DDX10: variants seen among roughly 807,000 people sequenced by gnomAD.
DDX10 encodes probable ATP-dependent RNA helicase DDX10.
A neutral mutation model predicts 104.3 loss-of-function variants in DDX10; 74 were observed. That is an observed-to-expected ratio of 0.71 (90% CI 0.59 to 0.86). DDX10 has a LOEUF of 0.86. DDX10 is among the 40% of genes least tolerant of loss of function. DDX10 has a pLI of 0.00. For missense variants in DDX10, 952 were observed against 1,040.0 expected (o/e 0.92, Z 1.16); for synonymous variants, 351 against 353.4 (o/e 0.99, Z 0.08).
chr11:108,683,828 T>C (rs2094238878), intron 6 of DDX10, among the ~76,000 whole-genome samples: 1 of 152,198 alleles, frequency 6.6e-6, no homozygotes. Flanking sequence ...GTAACACCAA[T>C]GAGTTGGTTC....
At chr11:108,762,297 T>C (rs2094351727) in intron 13 of DDX10, among the ~76,000 whole-genome samples, 1 of 152,188 alleles carries the variant, frequency 6.6e-6, no homozygotes, top group Admixed American at 6.6e-5. Flanking sequence ...CAGTTATTCC[T>C]CTTGGAGTTA....
intron 6 of DDX10, 60 bp downstream of exon 6, chr11:108,679,620 G>T: frequency 7.9e-7 from 1 of 1,268,088 alleles, no homozygotes; most frequent in Non-Finnish European, 1.1e-6. Context: ...TTAGGGATTT[G>T]GTATTTTAAA....
chr11:108,870,077 G>A (rs962575520), intron 16 of DDX10, among the ~76,000 whole-genome samples: 2 of 152,060 alleles, frequency 1.3e-5, no homozygotes, highest in African/African-American at 2.4e-5. Flanking sequence ...AGAAATCTGC[G>A]TAAGGGGTAT....
intron 13 of DDX10, among the ~76,000 whole-genome samples, chr11:108,820,066 C>T (rs1463040779): frequency 6.6e-6 from 1 of 152,172 alleles, no homozygotes; most frequent in East Asian, 1.9e-4. Context: ...GTTTGATAAA[C>T]CTGAGTTTAG....
At chr11:108,929,943 A>G (rs956471786) in intron 17 of DDX10, among the ~76,000 whole-genome samples, 5 of 152,170 alleles carry the variant, frequency 3.3e-5, no homozygotes, top group Non-Finnish European at 7.3e-5. Context: ...AATTTCCCCT[A>G]TTAGTAACAT....
At chr11:108,705,598 A>G (rs1178159796) in intron 9 of DDX10, among the ~76,000 whole-genome samples, 1 of 152,118 alleles carries the variant, frequency 6.6e-6, no homozygotes. Flanking sequence ...AGGGATTTTC[A>G]TCTTCTGTTT....
chr11:108,733,963 C>T (rs1373387364), intron 13 of DDX10, among the ~76,000 whole-genome samples: 1 of 152,104 alleles, frequency 6.6e-6, no homozygotes, highest in Non-Finnish European at 1.5e-5. Flanking sequence ...GTGAAGGATT[C>T]CTTCCTGGAT....
chr11:108,758,898 G>A (rs2094347562), intron 13 of DDX10, among the ~76,000 whole-genome samples: 1 of 152,028 alleles, frequency 6.6e-6, no homozygotes, highest in African/African-American at 2.4e-5. Context: ...TTTTGGGGTC[G>A]TTTTTCTGGC....
At chr11:108,723,603 A>G (rs1591801599) in intron 13 of DDX10, 141 bp downstream of exon 13, 1 of 793,130 alleles carries the variant, frequency 1.3e-6, no homozygotes, top group Non-Finnish European at 1.9e-6. Context: ...CCTTTCCCCC[A>G]TACTTAAACA....
At chr11:108,895,679 A>G (rs1244628373) in intron 16 of DDX10, among the ~76,000 whole-genome samples, 1 of 152,114 alleles carries the variant, frequency 6.6e-6, no homozygotes, top group Non-Finnish European at 1.5e-5. Context: ...AAAATATTTG[A>G]GGAATTTTAA....
rs1372166174 is a variant in DDX10, at chr11:108,931,960, G to A, written c.2451-8286G>A. 5.9e-5 allele frequency among the ~76,000 whole-genome samples: 9 copies of A among 152,064 alleles called. No individual in the cohort carries two copies. The East Asian group carries it at 1.7e-3, about 29-fold the overall frequency. ...AATTGTTTTTAGTGAGCCAACAAAA[G>A]CTACTAGAATCAGGGGTCTGGTTTT... On this transcript the variant is annotated intron_variant, in intron 17 of 17. Coordinates refer to ENST00000322536, the MANE Select transcript of DDX10 (RefSeq NM_004398.4).
At chr11:108,865,399 A>G (rs978501133) in intron 16 of DDX10, among the ~76,000 whole-genome samples, 1 of 152,120 alleles carries the variant, frequency 6.6e-6, no homozygotes. Context: ...TCATTTTTAT[A>G]TGCTTTCTAA....
At chr11:108,719,104 GT>G (rs36015980) in intron 11 of DDX10, among the ~76,000 whole-genome samples, 6,321 of 129,484 alleles carry the variant, frequency 0.049, 125 homozygotes, top group Middle Eastern at 0.12. Context: ...TATGAAGATA[GT>G]TTTTTTTTTT....
At position 108,669,704 on chromosome 11, in the gene DDX10, C is replaced by G. The variant is rs537202423; in HGVS notation, c.187-3763C>G. ...TAATTAAGGTTGCTAATCAGCTGAC[C>G]TTAAAGTAGGGCGATTATCCTGGAT... is the stretch of plus-strand genomic sequence containing the variant. On this transcript the variant is annotated intron_variant, in intron 1 of 17. Transcript: ENST00000322536. Among the ~76,000 whole-genome samples, 11 of 152,264 alleles carry G rather than the reference C, an allele frequency of 7.2e-5. No homozygotes were observed. In the East Asian group the frequency reaches 1.7e-3, roughly 24 times the overall value.
chr11:108,742,911 A>C (rs1394381465), intron 13 of DDX10, among the ~76,000 whole-genome samples: 1 of 152,186 alleles, frequency 6.6e-6, no homozygotes, highest in Non-Finnish European at 1.5e-5. Context: ...TCTACCAACC[A>C]GAAAAAGCCC....
At chr11:108,927,876 G>A (rs1399243444) in intron 17 of DDX10, among the ~76,000 whole-genome samples, 4 of 152,106 alleles carry the variant, frequency 2.6e-5, no homozygotes, top group African/African-American at 4.8e-5. Flanking sequence ...TTGACCTCAG[G>A]CAACTGCCTG....
chr11:108,773,691 G>A (rs952875509), intron 13 of DDX10, among the ~76,000 whole-genome samples: 1 of 151,968 alleles, frequency 6.6e-6, no homozygotes, highest in Non-Finnish European at 1.5e-5. Context: ...TTAAGGGTTG[G>A]CATTAGTCTA....
Position 108,673,524 on chromosome 11 carries a change from A to T in DDX10, c.244A>T (p.Lys82Ter). Residue 82 changes from lysine to a stop codon, truncating the protein, a stop_gained, in exon 2 of 18, where the codon AAA (lysine) becomes TAA (stop). Transcript: ENST00000322536. LOFTEE classifies it high-confidence loss of function. ...SDFPLSKKTLKGLQEAQYRLV... is the reference protein window; with the variant it reads ...SDFPLSKKTL ...TTTTCCCTTGTCCAAAAAAACATTG[A>T]AAGGTAAGTATATGGTGATCTTGGG... is the stretch of plus-strand genomic sequence containing the variant. The T allele has an allele frequency of 6.3e-7, 1 of 1,588,062 alleles. No individual in the cohort carries two copies. Among genetic ancestry groups the T allele is most frequent in the Non-Finnish European group, 8.6e-7 (1 of 1,157,266 alleles).
At chr11:108,809,084 AC>A (rs1862140704) in intron 13 of DDX10, among the ~76,000 whole-genome samples, 1 of 152,064 alleles carries the variant, frequency 6.6e-6, no homozygotes, top group African/African-American at 2.4e-5. Context: ...ATTTGGGGCA[AC>A]TTTGAGTGAT....
Sources: allele counts gnomAD v4.1 joint callset (sites outside exome capture counted in the v4.1 genomes callset), GRCh38; gene constraint gnomAD v4.1.1; transcripts MANE v1.5; gene names NCBI Gene and HGNC (gene_info 2026-07-23, HGNC 2026-07-21).